GBP3: variants seen among roughly 807,000 people sequenced by gnomAD.
GBP3 encodes the protein guanylate binding protein 3.
Under a neutral mutation model 62.4 loss-of-function variants are expected in GBP3, and 55 were observed. That is an observed-to-expected ratio of 0.88 (90% CI 0.71 to 1.10). The LOEUF is 1.10. GBP3 is among the 50% of genes least tolerant of loss of function. The probability of loss-of-function intolerance (pLI) is 0.00; values close to 1 mark genes in which losing one functional copy is unlikely to be tolerated. For missense variants in GBP3, 605 were observed against 690.6 expected, an observed-to-expected ratio of 0.88 and a Z score of 1.39; for synonymous variants, 208 against 259.2, an observed-to-expected ratio of 0.80 and a Z score of 1.90.
intron 1 of GBP3, 133 bp from the exon 2 acceptor site, chr1:89,020,876 T>C: frequency 1.5e-6 from 1 of 679,114 alleles, no homozygotes; most frequent in Non-Finnish European, 2.5e-6. Context: ...TGTGTATCAT[T>C]TTAAAAAATT....
chr1:89,018,483 C>T (rs184885545), intron 2 of GBP3, among the ~76,000 whole-genome samples: 1,641 of 152,276 alleles, frequency 0.011, 18 homozygotes, highest in Middle Eastern at 0.065. Flanking sequence ...CTGGTCTAAC[C>T]GGTTGTCTAG....
intron 2 of GBP3, among the ~76,000 whole-genome samples, chr1:89,019,566 C>T (rs534783715): frequency 1.3e-5 from 2 of 152,298 alleles, no homozygotes; most frequent in African/African-American, 4.8e-5. Flanking sequence ...GGGATTACAG[C>T]CATGAGTGCC....
At position 89,009,144 on chromosome 1, in the gene GBP3, T is replaced by C. The variant is rs754480872; in HGVS notation, c.1466-4A>G. 13 of 1,612,966 alleles carry C rather than the reference T, an allele frequency of 8.1e-6. No homozygotes were observed. The South Asian group carries it at 1.2e-4, about 15-fold the overall frequency. On this transcript the variant is annotated splice_polypyrimidine_tract_variant and splice_region_variant and intron_variant, in intron 9 of 10. Coordinates refer to ENST00000370481, the MANE Select transcript of GBP3 (RefSeq NM_018284.3). ...GATTCAGCTTTTACACATTCCACTGTGGAGGAAGAAGAAACATTTGTGTGG... is the reference window on the plus strand; with the variant it reads ...GATTCAGCTTTTACACATTCCACTGCGGAGGAAGAAGAAACATTTGTGTGG...
chr1:89,016,467 C>A (rs180974298), intron 2 of GBP3, among the ~76,000 whole-genome samples: 1 of 152,048 alleles, frequency 6.6e-6, no homozygotes, highest in Non-Finnish European at 1.5e-5. Context: ...TGCAGTGAGC[C>A]GAGATTGTGC....
rs772954243 is a variant in GBP3 at position 89,014,099 on chromosome 1, G to A, written c.609C>T (p.Ser203=). The A allele has an allele frequency of 6.2e-7, 1 of 1,614,082 alleles. No individual in the cohort carries two copies. The highest frequency in any genetic ancestry group is 8.5e-7 in the Non-Finnish European group (1 of 1,179,964). The stretch of plus-strand genomic sequence containing the variant: ...CTCTGTTACCTTGCGTTAGCTTCAG[G>A]GAATACTCCAGGTACTCATCTGGTG... ...PLTPDEYLEY[S]LKLTQGTSQK... is the part of the protein sequence containing the mutation. The change falls in exon 5 of 11, where the codon TCC becomes TCT. Residue 203 remains serine (S), a synonymous_variant. Coordinates refer to ENST00000370481, the MANE Select transcript of GBP3 (RefSeq NM_018284.3).
intron 2 of GBP3, among the ~76,000 whole-genome samples, chr1:89,016,101 C>G (rs1172096845): frequency 6.6e-6 from 1 of 152,156 alleles, no homozygotes; most frequent in Non-Finnish European, 1.5e-5. Context: ...TTGCAGCATA[C>G]AAAATTAACA....
intron 1 of GBP3, among the ~76,000 whole-genome samples, chr1:89,022,259 C>G (rs911417827): frequency 1.3e-5 from 2 of 152,156 alleles, no homozygotes; most frequent in Non-Finnish European, 2.9e-5. Flanking sequence ...GCTGTTCTTT[C>G]CTTCTGGTGA....
chr1:89,013,940 C>A, intron 5 of GBP3, 143 bp downstream of exon 5: 1 of 862,416 alleles, frequency 1.2e-6, no homozygotes, highest in East Asian at 2.6e-5. Flanking sequence ...TTTTCTATTG[C>A]TAATAGCAAG....
At position 89,014,216 on chromosome 1, in the gene GBP3, C is replaced by T. The variant is rs1194213352; in HGVS notation, c.492G>A (p.Glu164=). 3.1e-6 allele frequency: 5 copies of T among 1,614,044 alleles called. No homozygotes were observed. Among genetic ancestry groups the T allele is most frequent in the Non-Finnish European group, 4.2e-6 (5 of 1,180,032 alleles). ...SKSSPDENEN[E]DSADFVSFFP... ...AGAAGCTCACAAAGTCAGCTGAATC[C>T]TCATTCTCATTCTCATCAGGTGAGG... is the stretch of plus-strand genomic sequence containing the variant. The change falls in exon 5 of 11, where the codon GAG becomes GAA. Residue 164 remains glutamate (E), a synonymous_variant. Coordinates refer to ENST00000370481, the MANE Select transcript of GBP3 (RefSeq NM_018284.3).
In GBP3 at chr1:89,011,202, T is replaced by C. The variant is rs562224424; in HGVS notation, c.1150-86A>G. ...GAATTTTGGGAAAGACTTCCGAAAA[T>C]AAACAGTCAATGATGCCGGAGAAAC... On this transcript the variant is annotated intron_variant, in intron 7 of 10. Coordinates refer to ENST00000370481, the MANE Select transcript of GBP3 (RefSeq NM_018284.3). The C allele has an allele frequency of 1.4e-4, 205 of 1,416,028 alleles. 46 individuals carry two copies. The highest frequency in any genetic ancestry group is 2.4e-4 in the Middle Eastern group (1 of 4,184). The allele number at this position is 1,416,028 out of a possible 1,614,324, so 87.7% of individuals were successfully genotyped here.
chr1:89,013,975 TAG>T, intron 5 of GBP3, 106 bp downstream of exon 5: 1 of 1,213,818 alleles, frequency 8.2e-7, no homozygotes. Context: ...AATAGCAAGC[TAG>T]AGATATAGAA....
chr1:89,013,162 G>T (rs746087922), intron 6 of GBP3, 23 bp downstream of exon 6: 5 of 1,606,286 alleles, frequency 3.1e-6, no homozygotes, highest in Non-Finnish European at 4.3e-6. Context: ...ACAATGAGTG[G>T]AAGTACTACG....
chr1:89,013,545 A>T, intron 5 of GBP3, 118 bp from the exon 6 acceptor site: 1 of 1,038,494 alleles, frequency 9.6e-7, no homozygotes, highest in Non-Finnish European at 1.4e-6. Flanking sequence ...CAACTTTGTT[A>T]TTGGAGCATG....
intron 3 of GBP3, 33 bp from the exon 4 acceptor site, chr1:89,014,689 A>G: frequency 6.2e-7 from 1 of 1,613,534 alleles, no homozygotes; most frequent in Non-Finnish European, 8.5e-7. Flanking sequence ...GTCAGGAGCA[A>G]GTTTCATCAT....
chr1:89,018,130 T>C (rs950651317), intron 2 of GBP3, among the ~76,000 whole-genome samples: 4 of 152,010 alleles, frequency 2.6e-5, no homozygotes, highest in Non-Finnish European at 4.4e-5. Flanking sequence ...AAACTATTGC[T>C]ATGGAATAAA....
Position 89,012,318 on chromosome 1 carries a change from C to A in GBP3, c.869-291G>T, listed in dbSNP as rs1172214220. On this transcript the variant is annotated intron_variant, in intron 6 of 10. Transcript: ENST00000370481. ...GTTGAATGTTTGCATCCATTTCAACCCCAAGCACCATCAGGAAAGGAACCC... is the reference window on the plus strand; with the variant it reads ...GTTGAATGTTTGCATCCATTTCAACACCAAGCACCATCAGGAAAGGAACCC... 1.4e-5 allele frequency among the ~76,000 whole-genome samples: 2 copies of A among 138,846 alleles called. 1 individual carries two copies. The highest frequency in any genetic ancestry group is 3.3e-5 in the Non-Finnish European group (2 of 60,206). 91.1% of individuals were successfully genotyped at this position (138,846 alleles called of 152,430 possible).
At chr1:89,020,476 GCTGACT>G (rs763425323) in intron 2 of GBP3, 50 bp downstream of exon 2, 77 of 1,596,362 alleles carry the variant, frequency 4.8e-5, no homozygotes, top group Non-Finnish European at 6.3e-5. Flanking sequence ...CATAATGGAT[GCTGACT>G]GTGTTGGGGG....
Position 89,011,629 on chromosome 1 carries a change from T to C in GBP3, c.1149+118A>G. The C allele has an allele frequency of 1.3e-5, 16 of 1,208,760 alleles. 2 individuals carry two copies. The highest frequency in any genetic ancestry group is 1.7e-5 in the Non-Finnish European group (15 of 865,802). 74.9% of individuals were successfully genotyped at this position (1,208,760 alleles called of 1,614,324 possible). On this transcript the variant is annotated intron_variant, in intron 7 of 10. Coordinates refer to ENST00000370481, the MANE Select transcript of GBP3 (RefSeq NM_018284.3). ...GATTATTATGATTACCAAGAACTAG[T>C]TGTCACCATTTTAAAATCTAGAATA...
In GBP3 at chr1:89,007,740, T is replaced by C. The variant is rs1678298014; in HGVS notation, c.1772A>G (p.His591Arg). 5.0e-6 allele frequency: 8 copies of C among 1,612,716 alleles called. No homozygotes were observed. The East Asian group carries it at 1.6e-4, about 31-fold the overall frequency. ...CTCTGTTGTTTAGATCTTTAGCTTA[T>C]GCGACATATATCTCTTGGTTTTTTT... ...LKKKTKRYMS[H>R]KLKI is the part of the protein sequence containing the mutation. Residue 591 changes from histidine (H) to arginine (R), a missense_variant, in exon 11 of 11, where the codon CAT becomes CGT. By Grantham distance (29) the His-to-Arg change is conservative. Coordinates refer to ENST00000370481, the MANE Select transcript of GBP3 (RefSeq NM_018284.3).
Sources: gnomAD v4.1 joint callset for allele counts (sites outside exome capture counted in the v4.1 genomes callset) on GRCh38, gnomAD v4.1.1 for gene constraint, MANE v1.5 for transcripts, NCBI Gene and HGNC (gene_info 2026-07-23, HGNC 2026-07-21) for gene names.